The following NPLOC4 variants were observed in gnomAD, a reference collection of about 807,000 sequenced individuals.
NPLOC4 encodes the protein nuclear protein localization protein 4 homolog.
A neutral mutation model predicts 80.6 loss-of-function variants in NPLOC4; 18 were observed. The observed-to-expected ratio is 0.22, with a 90% CI of 0.15 to 0.33. NPLOC4 has a LOEUF of 0.33. Ranked by LOEUF, NPLOC4 falls within the 10% of genes least tolerant of loss-of-function variation. NPLOC4 has a pLI of 1.00. For missense variants in NPLOC4, 540 were observed against 786.1 expected (o/e 0.69, Z 3.74); for synonymous variants, 313 against 301.5 (o/e 1.04, Z -0.39).
At chr17:81,588,260 G>GC (rs2034642316) in intron 12 of NPLOC4, 1 of 152,208 alleles carries the variant, frequency 6.6e-6, no homozygotes, top group Non-Finnish European at 1.5e-5. Flanking sequence ...TGTAACTGGA[G>GC]CCCCCAAAGG....
At chr17:81,619,553 G>GAAA (rs34176297) in intron 3 of NPLOC4, among the ~76,000 whole-genome samples, 3 of 107,026 alleles carry the variant, frequency 2.8e-5, no homozygotes, top group South Asian at 2.8e-4. Context: ...TCTGTCTCAA[G>GAAA]AAAAAAAAAA....
At chr17:81,626,346 A>G (rs529635856) in intron 2 of NPLOC4, among the ~76,000 whole-genome samples, 1 of 152,068 alleles carries the variant, frequency 6.6e-6, no homozygotes, top group Admixed American at 6.6e-5. Context: ...GAATGAAAAT[A>G]GAACAGAAAA....
chr17:81,584,275 C>T (rs1475354223), intron 12 of NPLOC4, among the ~76,000 whole-genome samples: 3 of 152,176 alleles, frequency 2.0e-5, no homozygotes, highest in South Asian at 4.1e-4. Context: ...ATAAACAATT[C>T]TGGGAAGTAT....
intron 16 of NPLOC4, chr17:81,562,784 T>A (rs761262749): frequency 3.3e-5 from 5 of 150,934 alleles, no homozygotes; most frequent in Non-Finnish European, 5.9e-5. Flanking sequence ...ACAACAAATT[T>A]AAAAAATCAG....
intron 3 of NPLOC4, among the ~76,000 whole-genome samples, chr17:81,621,273 C>A (rs1171936212): frequency 6.6e-6 from 1 of 152,184 alleles, no homozygotes; most frequent in Non-Finnish European, 1.5e-5. Flanking sequence ...ACAGTAGGTG[C>A]CCAATACATC....
At chr17:81,598,007 A>C (rs11150801) in intron 9 of NPLOC4, among the ~76,000 whole-genome samples, 14,208 of 149,220 alleles carry the variant, frequency 0.095, 738 homozygotes, top group Middle Eastern at 0.17. Flanking sequence ...AGGCAGGAGA[A>C]TGGTGTGAAC....
At chr17:81,607,578 A>G (rs560830220) in intron 6 of NPLOC4, among the ~76,000 whole-genome samples, 5 of 152,262 alleles carry the variant, frequency 3.3e-5, no homozygotes, top group African/African-American at 4.8e-5. Context: ...GTGGTGAGCC[A>G]TTTTTGGTAT....
At chr17:81,611,820 C>A (rs1243583639) in intron 4 of NPLOC4, among the ~76,000 whole-genome samples, 1 of 151,112 alleles carries the variant, frequency 6.6e-6, no homozygotes, top group Non-Finnish European at 1.5e-5. Flanking sequence ...ATTAGCCAGG[C>A]GTGGTGGCGG....
chr17:81,621,676 C>G (rs2035671712), intron 3 of NPLOC4, among the ~76,000 whole-genome samples: 1 of 152,228 alleles, frequency 6.6e-6, no homozygotes, highest in Non-Finnish European at 1.5e-5. Context: ...CACGACCTGG[C>G]TGTGTTCCAA....
At chr17:81,605,173 C>T (rs2035168827) in intron 7 of NPLOC4, among the ~76,000 whole-genome samples, 1 of 151,402 alleles carries the variant, frequency 6.6e-6, no homozygotes, top group South Asian at 2.1e-4. Context: ...CTCAGTTACT[C>T]GGGAGGCTGA....
intron 12 of NPLOC4, among the ~76,000 whole-genome samples, chr17:81,583,519 C>G (rs138988560): frequency 1.3e-5 from 2 of 152,226 alleles, no homozygotes; most frequent in Non-Finnish European, 2.9e-5. Context: ...AAAAGCCCCA[C>G]GTCCTGCCAC....
intron 3 of NPLOC4, among the ~76,000 whole-genome samples, chr17:81,618,100 C>T (rs369822561): frequency 6.6e-6 from 1 of 150,390 alleles, no homozygotes; most frequent in African/African-American, 2.4e-5. Flanking sequence ...AGTGAGGAGC[C>T]TCTCTGCCTG....
At chr17:81,611,911 C>T (rs2035350067) in intron 4 of NPLOC4, among the ~76,000 whole-genome samples, 2 of 145,802 alleles carry the variant, frequency 1.4e-5, no homozygotes, top group Non-Finnish European at 3.0e-5. Context: ...AGTGAGCGGA[C>T]GTCGCGCCAC....
chr17:81,591,447 GAAAAAAAA>G (rs71367067), intron 11 of NPLOC4, among the ~76,000 whole-genome samples: 15,560 of 76,564 alleles, frequency 0.2, 588 homozygotes, highest in Middle Eastern at 0.33. Flanking sequence ...GAGTAAAACA[GAAAAAAAA>G]AAAAAAAAAA....
chr17:81,583,151 C>A (rs182446836), intron 12 of NPLOC4, among the ~76,000 whole-genome samples: 1 of 152,234 alleles, frequency 6.6e-6, no homozygotes, highest in Admixed American at 6.5e-5. Flanking sequence ...TTTCAGTGAG[C>A]GACTTGGAAA....
At chr17:81,618,994 G>T (rs1440666778) in intron 3 of NPLOC4, among the ~76,000 whole-genome samples, 2 of 152,090 alleles carry the variant, frequency 1.3e-5, no homozygotes, top group Non-Finnish European at 2.9e-5. Context: ...TTAAACAGAT[G>T]CTTGAAGGCA....
rs1007229441 is a variant in NPLOC4 at position 81,572,154 on chromosome 17, T to C, written c.1282-66A>G. 5.8e-6 allele frequency: 5 copies of C among 856,314 alleles called. No individual in the cohort carries two copies. Among genetic ancestry groups the C allele is most frequent in the Non-Finnish European group, 8.7e-6 (5 of 573,584 alleles). The allele number at this position is 856,314 out of a possible 1,614,324, so 53.0% of individuals were successfully genotyped here. ...CAGTAGTAATGATTTTCCTTTCACA[T>C]GCTTGTCTCACCTTTTATTTAATTA... On this transcript the variant is annotated intron_variant, in intron 12 of 16. Coordinates refer to ENST00000331134, the MANE Select transcript of NPLOC4 (RefSeq NM_017921.4). The surrounding 1 kb of genome is among the most constrained non-coding windows in gnomAD (Gnocchi z 4.5).
At chr17:81,634,025 G>C (rs1195424335) in intron 1 of NPLOC4, among the ~76,000 whole-genome samples, 1 of 151,114 alleles carries the variant, frequency 6.6e-6, no homozygotes, top group African/African-American at 2.4e-5. Context: ...CACCACGCCC[G>C]GTTAATTTTT....
rs3208785 is a variant in NPLOC4 at position 81,558,922 on chromosome 17, G to T, written c.*337C>A. ...GAGAAGGCTGGGTGGTGGCAGCATC[G>T]GCCCCTCCCTGTGCGCCCCAATTCC... On this transcript the variant is annotated 3_prime_UTR_variant, in exon 17 of 17. Transcript: ENST00000331134. 7 of 213,270 alleles carry T rather than the reference G, an allele frequency of 3.3e-5. No individual in the cohort carries two copies. The highest frequency in any genetic ancestry group is 1.2e-4 in the Admixed American group (2 of 17,036). 13.2% of individuals were successfully genotyped at this position (213,270 alleles called of 1,614,324 possible).
Sources: gnomAD v4.1 joint callset for allele counts (sites outside exome capture counted in the v4.1 genomes callset) on GRCh38, gnomAD v4.1.1 for gene constraint, Gnocchi (gnomAD v3.1) non-coding constraint, MANE v1.5 for transcripts, NCBI Gene and HGNC (gene_info 2026-07-23, HGNC 2026-07-21) for gene names.